The following HERPUD2 variants were observed in gnomAD, a reference collection of about 807,000 sequenced individuals.
HERPUD2 encodes homocysteine-responsive endoplasmic reticulum-resident ubiquitin-like domain member 2 protein.
A neutral mutation model predicts 49.9 loss-of-function variants in HERPUD2; 13 were observed. The observed-to-expected ratio is 0.26, with a 90% CI of 0.17 to 0.41. The LOEUF (loss-of-function observed/expected upper bound fraction) is 0.41. HERPUD2 is among the 10% of genes least tolerant of loss of function. The pLI, the probability that HERPUD2 is intolerant of heterozygous loss-of-function variation, is 1.00. For synonymous variants in HERPUD2, 172 were observed against 171.4 expected (o/e 1.00, Z -0.03); for missense variants, 449 against 492.2 (o/e 0.91, Z 0.83).
chr7:35,672,481 A>G (rs901022669), intron 3 of HERPUD2, among the ~76,000 whole-genome samples: 8 of 152,028 alleles, frequency 5.3e-5, no homozygotes, highest in Non-Finnish European at 8.8e-5. Context: ...TCATAAACAT[A>G]CAGGAGAAGA....
intron 2 of HERPUD2, among the ~76,000 whole-genome samples, chr7:35,680,128 C>T (rs1213080172): frequency 6.6e-6 from 1 of 152,166 alleles, no homozygotes; most frequent in East Asian, 1.9e-4. Context: ...TTAAATCAGC[C>T]AGGCATGGTG....
chr7:35,668,062 G>C (rs1269582565), intron 4 of HERPUD2, among the ~76,000 whole-genome samples: 1 of 128,088 alleles, frequency 7.8e-6, no homozygotes, highest in African/African-American at 2.7e-5. Flanking sequence ...AAAGTAATGA[G>C]AAACAGGCTA....
chr7:35,670,363 AC>A, intron 3 of HERPUD2, 35 bp from the exon 4 acceptor site: 1 of 1,034,150 alleles, frequency 9.7e-7, no homozygotes, highest in Non-Finnish European at 1.4e-6. Flanking sequence ...AAAGGGTAGT[AC>A]TACAAAATGT....
chr7:35,655,837 C>T (rs1785264545), intron 5 of HERPUD2, among the ~76,000 whole-genome samples: 1 of 152,138 alleles, frequency 6.6e-6, no homozygotes, highest in Admixed American at 6.5e-5. Flanking sequence ...AAATCAGTAA[C>T]ATTTTTACAC....
intron 5 of HERPUD2, among the ~76,000 whole-genome samples, chr7:35,660,457 T>A (rs1237840782): frequency 6.6e-6 from 1 of 152,190 alleles, no homozygotes; most frequent in African/African-American, 2.4e-5. Context: ...CGCCACACTG[T>A]CTTCCACAAT....
intron 5 of HERPUD2, among the ~76,000 whole-genome samples, chr7:35,649,039 C>A (rs1254215311): frequency 6.6e-6 from 1 of 152,132 alleles, no homozygotes; most frequent in Non-Finnish European, 1.5e-5. Flanking sequence ...ATCACAAGGT[C>A]AGGAGATCAA....
Position 35,634,717 on chromosome 7 carries a change from A to G in HERPUD2, c.942-288T>C, listed in dbSNP as rs1784842124. Among the ~76,000 whole-genome samples, 4 of 152,322 alleles carry G rather than the reference A, an allele frequency of 2.6e-5. No homozygotes were observed. In the South Asian group the frequency reaches 8.3e-4, roughly 32 times the overall value. Reference sequence around the variant, plus strand: ...CTGGTACTTTTCAAAATGAAATACAACTTAGATATTTGTTTGCCCCTTGGA... The same window carrying G: ...CTGGTACTTTTCAAAATGAAATACAGCTTAGATATTTGTTTGCCCCTTGGA... On this transcript the variant is annotated intron_variant, in intron 7 of 8. Coordinates refer to ENST00000311350, the MANE Select transcript of HERPUD2 (RefSeq NM_022373.5).
At chr7:35,671,848 C>T (rs924773662) in intron 3 of HERPUD2, among the ~76,000 whole-genome samples, 5 of 151,388 alleles carry the variant, frequency 3.3e-5, no homozygotes, top group African/African-American at 1.2e-4. Flanking sequence ...TTAAGCTATC[C>T]TTGGCATAAA....
In HERPUD2 at chr7:35,672,525, C is replaced by T. The variant is rs552734230; in HGVS notation, c.225+676G>A. Among the ~76,000 whole-genome samples the T allele has an allele frequency of 1.4e-3, 212 of 152,026 alleles. 1 individual carries two copies. The highest frequency in any genetic ancestry group is 4.3e-3 in the Admixed American group (66 of 15,256). On this transcript the variant is annotated intron_variant, in intron 3 of 8. Coordinates refer to ENST00000311350, the MANE Select transcript of HERPUD2 (RefSeq NM_022373.5). Reference sequence around the variant, plus strand: ...TTCTAAATTAGATAAGGAATATCCACAACAACAGTTAGAGTTAAGTCAAAG... The same window carrying T: ...TTCTAAATTAGATAAGGAATATCCATAACAACAGTTAGAGTTAAGTCAAAG...
At chr7:35,647,672 T>C (rs902552861) in intron 5 of HERPUD2, among the ~76,000 whole-genome samples, 3 of 152,198 alleles carry the variant, frequency 2.0e-5, no homozygotes, top group Non-Finnish European at 4.4e-5. Flanking sequence ...AAACAAATGA[T>C]AGACAAAATA....
rs528354861 is a variant in HERPUD2, at chr7:35,682,209, TTGTG to T, written c.148-8935_148-8932del. On this transcript the variant is annotated intron_variant, in intron 2 of 8. Coordinates refer to ENST00000311350, the MANE Select transcript of HERPUD2 (RefSeq NM_022373.5). The stretch of plus-strand genomic sequence containing the variant: ...ATGCGTTATCACGCCTGGCTAATTT[TTGTG>T]TGTGTGTGTGTATATATAGATATAT... Among the ~76,000 whole-genome samples, 29 of 138,782 alleles carry T rather than the reference TTGTG, an allele frequency of 2.1e-4. 1 individual carries two copies. Among genetic ancestry groups the T allele is most frequent in the Non-Finnish European group, 1.8e-4 (12 of 65,160 alleles). The allele number at this position is 138,782 out of a possible 152,430, so 91.0% of individuals were successfully genotyped here. A position where few individuals can be genotyped will look rare whatever the true frequency, so the allele number is the denominator to read the frequency against.
chr7:35,692,444 CTA>C (rs1322080826), intron 2 of HERPUD2, among the ~76,000 whole-genome samples: 1 of 152,202 alleles, frequency 6.6e-6, no homozygotes, highest in African/African-American at 2.4e-5. Context: ...TTATGGAAGT[CTA>C]TGACTTTCAA....
intron 2 of HERPUD2, among the ~76,000 whole-genome samples, chr7:35,692,519 G>A (rs1199791127): frequency 6.6e-6 from 1 of 152,134 alleles, no homozygotes; most frequent in Non-Finnish European, 1.5e-5. Context: ...TATGCAACAG[G>A]AAATCTTTTG....
intron 5 of HERPUD2, among the ~76,000 whole-genome samples, chr7:35,660,482 A>C: frequency 1.3e-5 from 2 of 152,300 alleles, no homozygotes; most frequent in African/African-American, 2.4e-5. Flanking sequence ...GAACTAGTTT[A>C]CAGTCCCACC....
Position 35,685,049 on chromosome 7 carries a change from T to G in HERPUD2, c.147+9135A>C, listed in dbSNP as rs6978079. ...AGAGCCCAGGAGTTCCAGACCAGCC[T>G]GGGCAACATAGTGAGACCCTGTCTC... On this transcript the variant is annotated intron_variant, in intron 2 of 8. Transcript: ENST00000311350. Among the ~76,000 whole-genome samples, 208 of 152,222 alleles carry G rather than the reference T, an allele frequency of 1.4e-3. 1 individual carries two copies. The highest frequency in any genetic ancestry group is 3.3e-3 in the Admixed American group (50 of 15,290).
chr7:35,671,426 T>G (rs1349359963), intron 3 of HERPUD2, among the ~76,000 whole-genome samples: 2 of 152,004 alleles, frequency 1.3e-5, no homozygotes, highest in Non-Finnish European at 2.9e-5. Flanking sequence ...AAGGTACGCC[T>G]GGCAAAGGAG....
intron 2 of HERPUD2, among the ~76,000 whole-genome samples, chr7:35,678,113 T>C (rs1424055794): frequency 6.6e-6 from 1 of 152,148 alleles, no homozygotes; most frequent in Non-Finnish European, 1.5e-5. Flanking sequence ...AATGAGATTA[T>C]GGAAAAGTAC....
At chr7:35,640,783 T>C (rs1423677824) in intron 5 of HERPUD2, among the ~76,000 whole-genome samples, 1 of 152,138 alleles carries the variant, frequency 6.6e-6, no homozygotes, top group South Asian at 2.1e-4. Flanking sequence ...GAATTTAATA[T>C]ATGTTAGAGG....
chr7:35,638,522 A>G (rs1206693710), intron 5 of HERPUD2, 50 bp from the exon 6 acceptor site: 2 of 1,538,456 alleles, frequency 1.3e-6, no homozygotes, highest in South Asian at 2.4e-5. Flanking sequence ...AGCTAAAAGT[A>G]TTATTCTAAA....
Sources: gnomAD v4.1 joint callset for allele counts (sites outside exome capture counted in the v4.1 genomes callset) on GRCh38, gnomAD v4.1.1 for gene constraint, MANE v1.5 for transcripts, NCBI Gene and HGNC (gene_info 2026-07-23, HGNC 2026-07-21) for gene names.